NOX4: variants seen among roughly 807,000 people sequenced by gnomAD.
NOX4 encodes the protein NADPH oxidase 4, also known as kidney oxidase-1.
Under a neutral mutation model 87.6 loss-of-function variants are expected in NOX4, and 69 were observed. That is an observed-to-expected ratio of 0.79 (90% CI 0.65 to 0.96). The LOEUF (loss-of-function observed/expected upper bound fraction) is 0.96. Among genes scored for constraint, NOX4 ranks in the 40% least tolerant of loss-of-function variants. NOX4 has a pLI of 0.00. For missense variants in NOX4, 680 were observed against 681.5 expected (o/e 1.00, Z 0.02); for synonymous variants, 275 against 238.2 (o/e 1.15, Z -1.42).
chr11:89,511,554 C>T, the NOX4 span, among the ~76,000 whole-genome samples: 4 of 151,796 alleles, frequency 2.6e-5, no homozygotes, highest in Admixed American at 1.3e-4. Context: ...GGCAATGGAC[C>T]GTCTAATTGC....
the NOX4 span, among the ~76,000 whole-genome samples, chr11:89,520,182 C>T: frequency 2.6e-5 from 4 of 151,674 alleles, no homozygotes; most frequent in Admixed American, 6.6e-5. Flanking sequence ...ATGAGACATG[C>T]GCTACAGTTA....
rs73533537 is a variant in NOX4, at chr11:89,361,654, C to T, written c.1136-6611G>A. On this transcript the variant is annotated intron_variant, in intron 12 of 17. Coordinates refer to ENST00000263317, the MANE Select transcript of NOX4 (RefSeq NM_016931.5). ...ATTTGCTTAAGGAATGAAAAGAAAT[C>T]TTAATTAAAGTCACTGAAAGGGAGT... 5.1e-3 allele frequency among the ~76,000 whole-genome samples: 772 copies of T among 152,122 alleles called. 13 individuals are homozygous for T. Among genetic ancestry groups the T allele is most frequent in the African/African-American group, 0.018 (740 of 41,524 alleles).
intron 2 of NOX4, among the ~76,000 whole-genome samples, chr11:89,482,572 G>C (rs985712442): frequency 6.6e-5 from 10 of 151,968 alleles, no homozygotes; most frequent in African/African-American, 2.4e-4. Flanking sequence ...AACCAACCCT[G>C]CTGACACCTT....
intron 15 of NOX4, among the ~76,000 whole-genome samples, chr11:89,338,248 A>T (rs1280889016): frequency 6.6e-6 from 1 of 151,898 alleles, no homozygotes; most frequent in Non-Finnish European, 1.5e-5. Flanking sequence ...AGCATAATAT[A>T]TTTTTGCTTT....
At chr11:89,329,025 G>A (rs751628801) in intron 17 of NOX4, among the ~76,000 whole-genome samples, 5 of 151,832 alleles carry the variant, frequency 3.3e-5, no homozygotes, top group African/African-American at 1.2e-4. Flanking sequence ...ACCAGTCTGT[G>A]GTATATTGCT....
At chr11:89,508,820 G>A in the NOX4 span, among the ~76,000 whole-genome samples, 18 of 152,066 alleles carry the variant, frequency 1.2e-4, no homozygotes, top group African/African-American at 3.4e-4. Flanking sequence ...GATCTGAAAG[G>A]TGAAGCCACT....
At chr11:89,554,404 T>C in the NOX4 span, among the ~76,000 whole-genome samples, 1 of 152,168 alleles carries the variant, frequency 6.6e-6, no homozygotes, top group Admixed American at 6.6e-5. Context: ...AAATTTCAGC[T>C]GCATAATATG....
At chr11:89,439,307 C>T (rs1944356860) in intron 6 of NOX4, among the ~76,000 whole-genome samples, 1 of 151,304 alleles carries the variant, frequency 6.6e-6, no homozygotes, top group African/African-American at 2.4e-5. Context: ...TGTTCTCACC[C>T]AATTCTTCAG....
intron 11 of NOX4, among the ~76,000 whole-genome samples, chr11:89,384,761 TTCTTACAC>T (rs1940563318): frequency 6.6e-6 from 1 of 152,182 alleles, no homozygotes; most frequent in Non-Finnish European, 1.5e-5. Context: ...GCAGTCAGAA[TTCTTACAC>T]AAGAGCTGGG....
At chr11:89,448,545 G>A (rs892785388) in intron 4 of NOX4, among the ~76,000 whole-genome samples, 5 of 151,932 alleles carry the variant, frequency 3.3e-5, no homozygotes, top group South Asian at 2.1e-4. Flanking sequence ...CATATAATTC[G>A]GGATGGAATC....
chr11:89,376,743 A>G (rs503500), intron 11 of NOX4, among the ~76,000 whole-genome samples: 6,895 of 152,146 alleles, frequency 0.045, 293 homozygotes, highest in East Asian at 0.13. Context: ...TTAGCCAGGC[A>G]TGGTGGTAGG....
intron 7 of NOX4, among the ~76,000 whole-genome samples, chr11:89,428,868 A>G (rs1157254694): frequency 3.9e-5 from 6 of 152,206 alleles, no homozygotes; most frequent in Non-Finnish European, 8.8e-5. Context: ...AGCGGACCTA[A>G]TAGACACCTA....
At chr11:89,331,848 C>G (rs1052925750) in intron 17 of NOX4, among the ~76,000 whole-genome samples, 17 of 151,140 alleles carry the variant, frequency 1.1e-4, no homozygotes, top group Non-Finnish European at 2.2e-4. Flanking sequence ...GATATCCTCT[C>G]CGTGTGTGTG....
chr11:89,364,397 A>G (rs1216178665), intron 12 of NOX4, among the ~76,000 whole-genome samples: 2 of 152,152 alleles, frequency 1.3e-5, no homozygotes, highest in East Asian at 3.9e-4. Flanking sequence ...AAAATGATTT[A>G]TAATTCTAGA....
At chr11:89,375,005 G>A (rs955469933) in intron 11 of NOX4, among the ~76,000 whole-genome samples, 2 of 152,080 alleles carry the variant, frequency 1.3e-5, no homozygotes, top group African/African-American at 4.8e-5. Context: ...AGGAACGGTA[G>A]CCTGAAAAAT....
chr11:89,457,307 A>G (rs1052455671), intron 2 of NOX4, among the ~76,000 whole-genome samples: 3 of 152,138 alleles, frequency 2.0e-5, no homozygotes, highest in East Asian at 1.9e-4. Context: ...AACAGCACAA[A>G]TGTGTACATG....
upstream of NOX4, chr11:89,498,846 T>C (rs1414707444): frequency 2.0e-5 from 3 of 152,364 alleles, no homozygotes; most frequent in African/African-American, 4.8e-5. Flanking sequence ...TTCACTTGCC[T>C]CTTGCAAAGC....
At chr11:89,361,524 T>C (rs1938525258) in intron 12 of NOX4, among the ~76,000 whole-genome samples, 1 of 152,064 alleles carries the variant, frequency 6.6e-6, no homozygotes, top group African/African-American at 2.4e-5. Flanking sequence ...GCTTGGGTGA[T>C]GGGTGCACTA....
intron 2 of NOX4, among the ~76,000 whole-genome samples, chr11:89,468,050 A>C (rs886597914): frequency 4.6e-5 from 7 of 152,216 alleles, no homozygotes; most frequent in Non-Finnish European, 5.9e-5. Flanking sequence ...ATATAATTCT[A>C]AAACTGGAAA....
Sources: gnomAD v4.1 joint callset for allele counts (sites outside exome capture counted in the v4.1 genomes callset) on GRCh38, gnomAD v4.1.1 for gene constraint, MANE v1.5 for transcripts, NCBI Gene and HGNC (gene_info 2026-07-23, HGNC 2026-07-21) for gene names.